WDR90: variants seen among roughly 807,000 people sequenced by gnomAD.
The protein encoded by WDR90 is WD repeat domain 90, also known as WD repeat-containing protein 90.
In WDR90, 238 loss-of-function variants were observed where a neutral mutation model predicts 195.2. The ratio of observed to expected loss-of-function variants is 1.22; its 90% CI spans 1.10 to 1.36. WDR90 has a LOEUF of 1.36. WDR90 is among the 40% of genes most tolerant of loss of function. WDR90 has a pLI of 0.00. For synonymous variants in WDR90, 1,265 were observed against 1,052.4 expected, an observed-to-expected ratio of 1.20 and a Z score of -3.91; for missense variants, 2,734 against 2,439.5, an observed-to-expected ratio of 1.12 and a Z score of -2.54.
chr16:655,071 G>T lies in WDR90; in HGVS notation c.1480G>T (p.Glu494Ter), dbSNP rs1419031214. ...WGTGQVGLGG[E>*]VVVLAKAHTD... ...CACCGGCCAGGTGGGCCTCGGTGGC[G>T]AGGTGGTCGTTCTGGCAAAGGCGCA... The change falls in exon 14 of 41, where the codon GAG becomes TAG. Residue 494 changes from glutamate (E) to a stop codon, truncating the protein, a stop_gained. Coordinates refer to ENST00000293879, the MANE Select transcript of WDR90 (RefSeq NM_145294.5). LOFTEE classifies it high-confidence loss of function. The T allele has an allele frequency of 6.2e-7, 1 of 1,612,754 alleles. No homozygotes were observed. Among genetic ancestry groups the T allele is most frequent in the Non-Finnish European group, 8.5e-7 (1 of 1,179,852 alleles).
Position 656,757 on chromosome 16 carries a change from A to G in WDR90, c.2228A>G (p.Asp743Gly). 6.2e-7 allele frequency: 1 copy of G among 1,613,066 alleles called. No individual in the cohort carries two copies. The highest frequency in any genetic ancestry group is 8.5e-7 in the Non-Finnish European group (1 of 1,179,920). The change falls in exon 19 of 41, where the codon GAC becomes GGC. Residue 743 changes from aspartate to glycine, a missense_variant. Asp to Gly is a moderately conservative substitution (Grantham distance 94). Transcript: ENST00000293879. ...CTATACGACTTCACATCATCAGAGG[A>G]CGCCCCGTGCGCTGTCACCTTCCAC... The part of the protein sequence containing the change: ...QQLYDFTSSE[D>G]APCAVTFHPT...
At chr16:659,942 C>T (rs1297464924) in intron 26 of WDR90, 116 bp from the exon 27 acceptor site, 16 of 789,172 alleles carry the variant, frequency 2.0e-5, no homozygotes, top group Admixed American at 8.5e-5. Flanking sequence ...TGTGCCCCGC[C>T]GTGCAGTTCT....
At chr16:663,932 C>T (rs1331742565) in intron 34 of WDR90, among the ~76,000 whole-genome samples, 5 of 152,218 alleles carry the variant, frequency 3.3e-5, no homozygotes, top group Non-Finnish European at 7.3e-5. Flanking sequence ...TGCGTGTGGT[C>T]AGCTGGGCCC....
At chr16:652,582 C>G (rs754066399) in intron 10 of WDR90, 47 bp downstream of exon 10, 3 of 1,557,946 alleles carry the variant, frequency 1.9e-6, no homozygotes, top group Non-Finnish European at 1.7e-6. Flanking sequence ...TTGGCCGGCT[C>G]GAGCGCTGAG....
At position 650,139 on chromosome 16, in the gene WDR90, T is replaced by A; in HGVS notation, c.251T>A (p.Phe84Tyr). The change falls in exon 3 of 41, where the codon TTC becomes TAC. Residue 84 changes from phenylalanine (F) to tyrosine (Y), a missense_variant. By Grantham distance (22) the Phe-to-Tyr change is conservative. Transcript: ENST00000293879. ...VLFRPLPSKH[F>Y]VIHLDVSSKD... is the part of the protein sequence containing the mutation. ...TTTCGGCCCCTGCCCAGCAAGCACT[T>A]CGTCATCCACCTCGATGTGTCCTCC... 3 of 1,613,024 alleles carry A rather than the reference T, an allele frequency of 1.9e-6. No homozygotes were observed. The highest frequency in any genetic ancestry group is 2.5e-6 in the Non-Finnish European group (3 of 1,179,930).
rs993952071 is a variant in WDR90, at chr16:661,509, G to A, written c.3673+8G>A. On this transcript the variant is annotated splice_region_variant and intron_variant, in intron 30 of 40. Coordinates refer to ENST00000293879, the MANE Select transcript of WDR90 (RefSeq NM_145294.5). ...GGCTTCTTGTCACACTGGGTCAGTG[G>A]GAGGGAGGGTGGAGGCCAGGGGCTT... The A allele has an allele frequency of 4.4e-6, 7 of 1,596,576 alleles. No individual in the cohort carries two copies. The South Asian group carries it at 7.8e-5, about 18-fold the overall frequency.
Position 657,863 on chromosome 16 carries a change from A to G in WDR90, c.2575A>G (p.Thr859Ala). 6.3e-7 allele frequency: 1 copy of G among 1,589,196 alleles called. No individual in the cohort carries two copies. The highest frequency in any genetic ancestry group is 1.1e-5 in the South Asian group (1 of 87,748). Residue 859 changes from threonine to alanine, a missense_variant, in exon 21 of 41, where the codon ACA (threonine) becomes GCA (alanine). Transcript: ENST00000293879. ...TGTGGGACCCTCCAGGTGCACAGTG[A>G]CAGTCATGGGCTCGGCCTCCCTTGA... ...AFVGPSRCTV[T>A]VMGSASLDEL...
chr16:660,557 G>A (rs1235143857), intron 27 of WDR90, 55 bp from the exon 28 acceptor site: 26 of 1,524,418 alleles, frequency 1.7e-5, no homozygotes, highest in Non-Finnish European at 2.3e-5. Flanking sequence ...TGCAGGCTTT[G>A]GGGCACAGGT....
intron 15 of WDR90, 36 bp from the exon 16 acceptor site, chr16:655,537 T>C (rs2037733092): frequency 1.3e-6 from 2 of 1,553,898 alleles, no homozygotes; most frequent in East Asian, 2.3e-5. Flanking sequence ...TCCCCTTCCC[T>C]GAGGGCCTCA....
intron 17 of WDR90, 108 bp from the exon 18 acceptor site, chr16:656,194 C>T: frequency 9.2e-7 from 1 of 1,087,198 alleles, no homozygotes; most frequent in East Asian, 2.6e-5. Context: ...GAGCCTGGGA[C>T]TTTGAGCAGC....
intron 5 of WDR90, 64 bp downstream of exon 5, chr16:650,773 C>G (rs2037629776): frequency 6.4e-7 from 1 of 1,574,196 alleles, no homozygotes; most frequent in African/African-American, 1.4e-5. Flanking sequence ...TGGAGAGGCC[C>G]AAGTCCAGGG....
At chr16:660,570 C>A (rs1322201722) in intron 27 of WDR90, 42 bp from the exon 28 acceptor site, 1 of 1,536,384 alleles carries the variant, frequency 6.5e-7, no homozygotes, top group Admixed American at 2.0e-5. Flanking sequence ...GCACAGGTGG[C>A]CATGCTGGGC....
chr16:660,832 T>G, intron 28 of WDR90, 118 bp downstream of exon 28: 1 of 1,206,466 alleles, frequency 8.3e-7, no homozygotes, highest in Non-Finnish European at 1.1e-6. Flanking sequence ...AGTGTGGGGC[T>G]CTGTTCTCCC....
Position 657,744 on chromosome 16 carries a change from T to C in WDR90, c.2474-18T>C. ...CGGCACTCCCCACCCAGCTGACCCC[T>C]GCCCCGTGTGGCCACAGCGGACATG... is the stretch of plus-strand genomic sequence containing the variant. On this transcript the variant is annotated intron_variant, in intron 20 of 40. Coordinates refer to ENST00000293879, the MANE Select transcript of WDR90 (RefSeq NM_145294.5). 4 of 1,538,950 alleles carry C rather than the reference T, an allele frequency of 2.6e-6. No homozygotes were observed. The highest frequency in any genetic ancestry group is 3.5e-6 in the Non-Finnish European group (4 of 1,141,710).
Position 651,695 on chromosome 16 carries a change from A to G in WDR90, c.788A>G (p.Lys263Arg), listed in dbSNP as rs1015334187. The G allele has an allele frequency of 4.3e-6, 7 of 1,612,920 alleles. No homozygotes were observed. The highest frequency in any genetic ancestry group is 5.9e-6 in the Non-Finnish European group (7 of 1,179,996). Reference protein sequence around the residue: ...QPLPCPVASSKPVRFSVSPVV... With the variant: ...QPLPCPVASSRPVRFSVSPVV... ...CTCCCTTGCCCGGTGGCCTCCAGCA[A>G]ACCTGTGCGGTTCAGTGTGTCTCCA... The change falls in exon 8 of 41, where the codon AAA becomes AGA. Residue 263 changes from lysine to arginine, a missense_variant. Lys to Arg is a conservative substitution (Grantham distance 26). Coordinates refer to ENST00000293879, the MANE Select transcript of WDR90 (RefSeq NM_145294.5).
At chr16:660,873 C>T (rs2037882615) in intron 28 of WDR90, 159 bp downstream of exon 28, 1 of 960,806 alleles carries the variant, frequency 1.0e-6, no homozygotes, top group African/African-American at 1.8e-5. Context: ...CAGCCGAGGT[C>T]CTGTGAAGCA....
Position 667,484 on chromosome 16 carries a change from C to A in WDR90, c.5142C>A (p.Ala1714=), listed in dbSNP as rs369784818. ...DCAMGTAQDF[A]GHDNAVHLCR... ...CCATGGGGACTGCCCAAGACTTTGCCGGCCACGACAACGCAGTGCACCTGT... is the reference window on the plus strand; with the variant it reads ...CCATGGGGACTGCCCAAGACTTTGCAGGCCACGACAACGCAGTGCACCTGT... The change falls in exon 41 of 41, where the codon GCC becomes GCA. Residue 1714 remains alanine, a synonymous_variant. Coordinates refer to ENST00000293879, the MANE Select transcript of WDR90 (RefSeq NM_145294.5). The A allele has an allele frequency of 9.3e-6, 15 of 1,610,466 alleles. No individual in the cohort carries two copies. Among genetic ancestry groups the A allele is most frequent in the Non-Finnish European group, 1.3e-5 (15 of 1,178,248 alleles).
chr16:663,045 C>T (rs1281263104), intron 34 of WDR90: 2 of 795,254 alleles, frequency 2.5e-6, no homozygotes, highest in Non-Finnish European at 4.2e-6. Context: ...CACAAGCGAG[C>T]CGCCTGGCAG....
At position 658,652 on chromosome 16, in the gene WDR90, A is replaced by G. The variant is rs1946154386; in HGVS notation, c.2894A>G (p.Gln965Arg). 1 of 1,607,326 alleles carries G rather than the reference A, an allele frequency of 6.2e-7. No homozygotes were observed. The highest frequency in any genetic ancestry group is 8.5e-7 in the Non-Finnish European group (1 of 1,175,904). The change falls in exon 23 of 41, where the codon CAG becomes CGG. Residue 965 changes from glutamine to arginine, a missense_variant and splice_region_variant. Physicochemically the swap from Gln to Arg is conservative, Grantham distance 43 (BLOSUM62 1). Transcript: ENST00000293879. ...GCCACACAGGCCAGCCCAGGCCCCCAGGTGTGTGCGTGGGGAGGCAGGTGG... is the reference window on the plus strand; with the variant it reads ...GCCACACAGGCCAGCCCAGGCCCCCGGGTGTGTGCGTGGGGAGGCAGGTGG... The part of the protein sequence containing the change: ...DYATQASPGP[Q>R]VYIGHSEPVQ...
Sources: gnomAD v4.1 joint callset for allele counts (sites outside exome capture counted in the v4.1 genomes callset) on GRCh38, gnomAD v4.1.1 for gene constraint, MANE v1.5 for transcripts, NCBI Gene and HGNC (gene_info 2026-07-23, HGNC 2026-07-21) for gene names.